Variants in COL13A1 observed in about 807,000 individuals in gnomAD.
COL13A1 encodes collagen alpha-1(XIII) chain.
A neutral mutation model predicts 130.9 loss-of-function variants in COL13A1; 89 were observed. The observed-to-expected ratio is 0.68, with a 90% CI of 0.57 to 0.81. The LOEUF (loss-of-function observed/expected upper bound fraction) is 0.81, where lower values mean the gene tolerates loss of function less well. COL13A1 is among the 30% of genes least tolerant of loss of function. The probability of loss-of-function intolerance (pLI) is 0.00; values close to 1 mark genes in which losing one functional copy is unlikely to be tolerated. For missense variants in COL13A1, 879 were observed against 934.6 expected (o/e 0.94, Z 0.78); for synonymous variants, 402 against 341.6 (o/e 1.18, Z -1.95).
At chr10:69,947,951 C>T (rs1209155634) in intron 38 of COL13A1, among the ~76,000 whole-genome samples, 1 of 152,184 alleles carries the variant, frequency 6.6e-6, no homozygotes, top group Non-Finnish European at 1.5e-5. Context: ...AGCCACATAA[C>T]AGGGGGTGGC....
At chr10:69,810,820 C>A (rs1842847433) in intron 1 of COL13A1, among the ~76,000 whole-genome samples, 1 of 152,222 alleles carries the variant, frequency 6.6e-6, no homozygotes, top group Admixed American at 6.5e-5. Flanking sequence ...GCTGACACTC[C>A]CGCTCTCCCA....
chr10:69,870,492 T>C (rs2134045123), intron 3 of COL13A1, among the ~76,000 whole-genome samples: 1 of 150,074 alleles, frequency 6.7e-6, no homozygotes, highest in African/African-American at 2.4e-5. Flanking sequence ...TTTTTAATTT[T>C]TTTTTTTTTT....
intron 30 of COL13A1, chr10:69,931,380 C>T (rs191398311): frequency 4.6e-4 from 156 of 340,954 alleles, no homozygotes; most frequent in African/African-American, 3.0e-3. Context: ...CCAAGCCTGC[C>T]GACCCAGCCT....
In COL13A1 at chr10:69,923,759, G is replaced by A. The variant is rs1303491030; in HGVS notation, c.1231-43G>A. The A allele has an allele frequency of 1.9e-6, 3 of 1,592,576 alleles. No homozygotes were observed. The Admixed American group carries it at 5.3e-5, about 28-fold the overall frequency. On this transcript the variant is annotated intron_variant, in intron 23 of 40. Transcript: ENST00000645393. The stretch of plus-strand genomic sequence containing the variant: ...CTTTTCCCTCATAAGCAGCTGTCCA[G>A]GTGCCCAGCATGCCCTCATCCCAAC...
At chr10:69,904,802 A>G in intron 15 of COL13A1, 131 bp from the exon 16 acceptor site, 2 of 929,686 alleles carry the variant, frequency 2.2e-6, no homozygotes, top group Non-Finnish European at 3.2e-6. Flanking sequence ...TGTTGGCTAT[A>G]GCATGCCTAT....
At chr10:69,885,239 G>A (rs1228004553) in intron 7 of COL13A1, among the ~76,000 whole-genome samples, 1 of 151,966 alleles carries the variant, frequency 6.6e-6, no homozygotes, top group Admixed American at 6.6e-5. Flanking sequence ...CAAAATAAAT[G>A]CCAAATGCCA....
At chr10:69,923,339 A>G (rs1458561163) in intron 23 of COL13A1, among the ~76,000 whole-genome samples, 1 of 152,186 alleles carries the variant, frequency 6.6e-6, no homozygotes, top group Non-Finnish European at 1.5e-5. Flanking sequence ...GAAAAGTGCA[A>G]TGGTAAGATT....
chr10:69,936,726 C>G (rs1159637081), intron 32 of COL13A1, 30 bp from the exon 33 acceptor site: 2 of 1,613,508 alleles, frequency 1.2e-6, no homozygotes, highest in African/African-American at 2.7e-5. Context: ...AGATGCAGTT[C>G]TAATGCACCT....
At chr10:69,924,929 A>G in intron 24 of COL13A1, 34 bp from the exon 25 acceptor site, 1 of 1,559,526 alleles carries the variant, frequency 6.4e-7, no homozygotes. Flanking sequence ...TACCAACTTT[A>G]TCCCCACTTT....
chr10:69,936,859 C>G lies in COL13A1; in HGVS notation c.1797+77C>G, dbSNP rs530745287. ...GAAAGTGCACCTGAGACCAGCTGAC[C>G]CTTTTTCCTAGAAGGCATTAGGTGA... is the stretch of plus-strand genomic sequence containing the variant. On this transcript the variant is annotated intron_variant, in intron 33 of 40. Transcript: ENST00000645393. 84 of 1,581,116 alleles carry G rather than the reference C, an allele frequency of 5.3e-5. 1 individual carries two copies. The South Asian group carries it at 8.5e-4, about 16-fold the overall frequency.
chr10:69,924,562 C>T (rs1360853000), intron 24 of COL13A1, among the ~76,000 whole-genome samples: 2 of 151,680 alleles, frequency 1.3e-5, no homozygotes, highest in Non-Finnish European at 2.9e-5. Flanking sequence ...TGTGGGCTCT[C>T]GATGGCAACT....
At position 69,863,269 on chromosome 10, in the gene COL13A1, A is replaced by G. The variant is rs533205638; in HGVS notation, c.365-4529A>G. 2.6e-5 allele frequency among the ~76,000 whole-genome samples: 4 copies of G among 152,274 alleles called. No individual in the cohort carries two copies. In the South Asian group the frequency reaches 6.2e-4, roughly 24 times the overall value. ...ATCAAAATGTCTCCAGACATTGTCAACTATCCTCTGGGGAGCCAAATTCCC... is the reference window on the plus strand; with the variant it reads ...ATCAAAATGTCTCCAGACATTGTCAGCTATCCTCTGGGGAGCCAAATTCCC... On this transcript the variant is annotated intron_variant, in intron 2 of 40. Coordinates refer to ENST00000645393, the MANE Select transcript of COL13A1 (RefSeq NM_001368882.1).
At chr10:69,858,877 A>T (rs1857196347) in intron 2 of COL13A1, among the ~76,000 whole-genome samples, 1 of 152,260 alleles carries the variant, frequency 6.6e-6, no homozygotes, top group African/African-American at 2.4e-5. Flanking sequence ...AGGCTCTGCC[A>T]ATTTACCAGC....
At chr10:69,836,234 G>C (rs1052683704) in intron 2 of COL13A1, among the ~76,000 whole-genome samples, 2 of 152,360 alleles carry the variant, frequency 1.3e-5, no homozygotes, top group African/African-American at 2.4e-5. Context: ...CTGCTGCAGA[G>C]ACCCAGGGCT....
At chr10:69,891,546 C>A (rs936816544) in intron 10 of COL13A1, among the ~76,000 whole-genome samples, 3 of 152,192 alleles carry the variant, frequency 2.0e-5, no homozygotes, top group African/African-American at 4.8e-5. Context: ...TCACAGCTGC[C>A]TCCGCTGCAA....
At chr10:69,957,171 C>A in intron 40 of COL13A1, 129 bp downstream of exon 40, 1 of 764,204 alleles carries the variant, frequency 1.3e-6, no homozygotes, top group Non-Finnish European at 2.3e-6. Flanking sequence ...GTCTCAAAGG[C>A]AGGGTGCCCA....
intron 2 of COL13A1, among the ~76,000 whole-genome samples, chr10:69,863,078 C>A (rs373504330): frequency 6.6e-6 from 1 of 152,060 alleles, no homozygotes; most frequent in East Asian, 1.9e-4. Context: ...GGAGGAGCCC[C>A]GAGGCAGGTC....
At chr10:69,877,815 T>TG (rs2059753553) in intron 5 of COL13A1, among the ~76,000 whole-genome samples, 1 of 151,762 alleles carries the variant, frequency 6.6e-6, no homozygotes, top group Non-Finnish European at 1.5e-5. Context: ...CAGCTGCACA[T>TG]TGCAGCAGCG....
chr10:69,943,060 C>T (rs1434348474), intron 35 of COL13A1, among the ~76,000 whole-genome samples: 1 of 152,174 alleles, frequency 6.6e-6, no homozygotes, highest in Non-Finnish European at 1.5e-5. Context: ...GTTGGCCAGA[C>T]CGGTCTTGAA....
Sources: gnomAD v4.1 joint callset for allele counts (sites outside exome capture counted in the v4.1 genomes callset) on GRCh38, gnomAD v4.1.1 for gene constraint, MANE v1.5 for transcripts, NCBI Gene and HGNC (gene_info 2026-07-23, HGNC 2026-07-21) for gene names.